MYCT1: variants seen among roughly 807,000 people sequenced by gnomAD.
MYCT1 encodes myc target protein 1.
A neutral mutation model predicts 15.0 loss-of-function variants in MYCT1; 12 were observed. The observed-to-expected ratio is 0.80, with a 90% CI of 0.51 to 1.29. MYCT1 has a LOEUF of 1.29. MYCT1 is among the 50% of genes most tolerant of loss of function. MYCT1 has a pLI of 0.00. For missense variants in MYCT1, 287 were observed against 279.1 expected (o/e 1.03, Z -0.20); for synonymous variants, 104 against 102.7 (o/e 1.01, Z -0.07).
At chr6:152,730,188 C>A in the MYCT1 span, among the ~76,000 whole-genome samples, 2 of 152,180 alleles carry the variant, frequency 1.3e-5, no homozygotes, top group Non-Finnish European at 1.5e-5. Context: ...CCCTTTCTCA[C>A]CATATATACT....
chr6:152,722,283 C>T lies in MYCT1; in HGVS notation c.*30C>T, dbSNP rs923950801. On this transcript the variant is annotated 3_prime_UTR_variant, in exon 2 of 2. Transcript: ENST00000367245. ...GGTGGCTTTTGGTTTTTGTTTCTTTCTTGTCTTGTCTTTTATTGAAAGGAA... is the reference window on the plus strand; with the variant it reads ...GGTGGCTTTTGGTTTTTGTTTCTTTTTTGTCTTGTCTTTTATTGAAAGGAA... 2.6e-6 allele frequency: 4 copies of T among 1,558,478 alleles called. No homozygotes were observed. The highest frequency in any genetic ancestry group is 1.7e-6 in the Non-Finnish European group (2 of 1,159,016).
At chr6:152,716,477 G>T (rs573885344) in intron 1 of MYCT1, among the ~76,000 whole-genome samples, 7 of 152,174 alleles carry the variant, frequency 4.6e-5, no homozygotes, top group Non-Finnish European at 1.0e-4. Context: ...ATCACTTTCA[G>T]AGTTGGAATG....
chr6:152,736,401 T>C, the MYCT1 span, among the ~76,000 whole-genome samples: 1 of 152,100 alleles, frequency 6.6e-6, no homozygotes, highest in Non-Finnish European at 1.5e-5. Context: ...AATAATCCTG[T>C]TGAGTCAAAC....
chr6:152,740,188 T>G, the MYCT1 span, among the ~76,000 whole-genome samples: 1 of 152,020 alleles, frequency 6.6e-6, no homozygotes, highest in Non-Finnish European at 1.5e-5. Flanking sequence ...GTAGCTGGGA[T>G]TACAAGCATG....
Position 152,721,981 on chromosome 6 carries a change from C to T in MYCT1, c.436C>T (p.Arg146Ter), listed in dbSNP as rs751903305. The change falls in exon 2 of 2, where the codon CGA (arginine) becomes TGA (stop). Residue 146 changes from arginine (R) to a stop codon, truncating the protein, a stop_gained. Coordinates refer to ENST00000367245, the MANE Select transcript of MYCT1 (RefSeq NM_025107.3). LOFTEE classifies it high-confidence loss of function. ...CAGCCTGGCCAGTCTCACCTTCCAG[C>T]GACAAGCTTCCCTGGAACAAGCAAA... is the stretch of plus-strand genomic sequence containing the variant. The part of the protein sequence containing the change: ...NLSLASLTFQ[R>*]QASLEQANSF... 5 of 1,614,164 alleles carry T rather than the reference C, an allele frequency of 3.1e-6. No individual in the cohort carries two copies. Among genetic ancestry groups the T allele is most frequent in the South Asian group, 2.2e-5 (2 of 91,076 alleles).
chr6:152,733,266 G>C, the MYCT1 span, among the ~76,000 whole-genome samples: 1 of 151,938 alleles, frequency 6.6e-6, no homozygotes, highest in East Asian at 1.9e-4. Context: ...ACCATGCCTG[G>C]CTAATTTTTG....
the MYCT1 span, among the ~76,000 whole-genome samples, chr6:152,744,189 T>A: frequency 0.18 from 28,094 of 152,184 alleles, 2,681 homozygotes; most frequent in Middle Eastern, 0.23. Flanking sequence ...AGGGCCTGAA[T>A]GAACTTCTAA....
chr6:152,715,711 T>C (rs1651055361), intron 1 of MYCT1, among the ~76,000 whole-genome samples: 1 of 152,126 alleles, frequency 6.6e-6, no homozygotes, highest in Admixed American at 6.6e-5. Context: ...GAAACTTACA[T>C]ATAAGCAAAA....
chr6:152,730,368 C>G, the MYCT1 span, among the ~76,000 whole-genome samples: 1 of 152,154 alleles, frequency 6.6e-6, no homozygotes, highest in South Asian at 2.1e-4. Context: ...TGACACCAGC[C>G]CATGCTCCCC....
downstream of MYCT1, among the ~76,000 whole-genome samples, chr6:152,727,369 A>C (rs570275314): frequency 3.3e-5 from 5 of 152,294 alleles, no homozygotes; most frequent in African/African-American, 1.2e-4. Context: ...TGCTGAGATG[A>C]TATGGGGAGA....
At chr6:152,725,497 G>A (rs1045538786), downstream of MYCT1, among the ~76,000 whole-genome samples, 38 of 152,104 alleles carry the variant, frequency 2.5e-4, 1 homozygote, top group Admixed American at 2.4e-3. Flanking sequence ...AGTTGGCCAG[G>A]CTGGTCTCAA....
the MYCT1 span, among the ~76,000 whole-genome samples, chr6:152,730,701 A>G: frequency 1.3e-5 from 2 of 152,288 alleles, no homozygotes; most frequent in Middle Eastern, 3.4e-3. Flanking sequence ...TAGGTAATGA[A>G]ATCTTTATTG....
At chr6:152,730,289 C>A in the MYCT1 span, among the ~76,000 whole-genome samples, 2 of 152,150 alleles carry the variant, frequency 1.3e-5, no homozygotes, top group Non-Finnish European at 2.9e-5. Context: ...AAGTCCAAAT[C>A]TGGACCCAGG....
chr6:152,716,190 G>T (rs2099723650), intron 1 of MYCT1, among the ~76,000 whole-genome samples: 1 of 152,130 alleles, frequency 6.6e-6, no homozygotes, highest in Non-Finnish European at 1.5e-5. Flanking sequence ...TGTGAAAACA[G>T]ACCCAATAAG....
At chr6:152,738,745 G>T in the MYCT1 span, among the ~76,000 whole-genome samples, 1 of 152,024 alleles carries the variant, frequency 6.6e-6, no homozygotes, top group Non-Finnish European at 1.5e-5. Context: ...AGCACATTTA[G>T]CTACCATTTG....
chr6:152,705,248 C>T (rs1233191760), intron 1 of MYCT1, among the ~76,000 whole-genome samples: 1 of 152,106 alleles, frequency 6.6e-6, no homozygotes. Flanking sequence ...TTACATTAGC[C>T]TACAGTTGAG....
chr6:152,716,859 T>G (rs2099723775), intron 1 of MYCT1, among the ~76,000 whole-genome samples: 1 of 152,228 alleles, frequency 6.6e-6, no homozygotes, highest in African/African-American at 2.4e-5. Flanking sequence ...TCATTTGGTC[T>G]CATAAGTTGC....
chr6:152,719,412 G>A (rs76095907), intron 1 of MYCT1, among the ~76,000 whole-genome samples: 12,544 of 152,204 alleles, frequency 0.082, 878 homozygotes, highest in African/African-American at 0.18. Context: ...TTTGGTCTCA[G>A]ATCCTTACTT....
the MYCT1 span, among the ~76,000 whole-genome samples, chr6:152,745,860 C>T: frequency 3.3e-5 from 5 of 152,188 alleles, no homozygotes; most frequent in African/African-American, 1.2e-4. Flanking sequence ...AGGTTTGTCT[C>T]CCGTACCATT....
Sources: allele counts gnomAD v4.1 joint callset (sites outside exome capture counted in the v4.1 genomes callset), GRCh38; gene constraint gnomAD v4.1.1; transcripts MANE v1.5; gene names NCBI Gene and HGNC (gene_info 2026-07-23, HGNC 2026-07-21).